Variants in ZNF454 observed in about 807,000 individuals in gnomAD.
ZNF454 encodes the protein zinc finger protein 454.
In ZNF454, 30 loss-of-function variants were observed where a neutral mutation model predicts 48.2. That is an observed-to-expected ratio of 0.62 (90% CI 0.47 to 0.84). ZNF454 has a LOEUF of 0.84. Among genes scored for constraint, ZNF454 ranks in the 40% least tolerant of loss-of-function variants. The probability of loss-of-function intolerance (pLI) is 0.00; values close to 1 mark genes in which losing one functional copy is unlikely to be tolerated. For missense variants in ZNF454, 510 were observed against 623.1 expected, an observed-to-expected ratio of 0.82 and a Z score of 1.93; for synonymous variants, 204 against 211.4, an observed-to-expected ratio of 0.97 and a Z score of 0.30.
At chr5:178,947,637 C>G (rs544292273) in intron 4 of ZNF454, among the ~76,000 whole-genome samples, 56 of 152,220 alleles carry the variant, frequency 3.7e-4, no homozygotes, top group Non-Finnish European at 7.1e-4. Context: ...GTGATGGTTA[C>G]TTGTCTTGAG....
At chr5:178,956,150 G>T (rs1484500404) in intron 4 of ZNF454, among the ~76,000 whole-genome samples, 2 of 152,044 alleles carry the variant, frequency 1.3e-5, no homozygotes, top group Non-Finnish European at 2.9e-5. Flanking sequence ...AATCATTTTT[G>T]ATTTCCAAGA....
At chr5:178,982,716 G>C in the ZNF454 span, 7 of 517,362 alleles carry the variant, frequency 1.4e-5, no homozygotes, top group Non-Finnish European at 2.0e-5. Flanking sequence ...AAAAAAAGAA[G>C]AGTGGAAGTT....
chr5:178,971,090 C>T (rs139157080), downstream of ZNF454, among the ~76,000 whole-genome samples: 23 of 152,310 alleles, frequency 1.5e-4, no homozygotes, highest in East Asian at 3.9e-3. Context: ...TGCATGAAAC[C>T]GTTACGTCCA....
chr5:178,981,783 G>A, the ZNF454 span: 19 of 1,612,448 alleles, frequency 1.2e-5, no homozygotes, highest in East Asian at 4.5e-5. This position sits in a 1 kb window ranked among gnomAD's most constrained non-coding sequence, Gnocchi z 5.1. Context: ...TTTTGGGTAC[G>A]TAGAGCATGC....
At chr5:178,989,138 G>A in the ZNF454 span, 2 of 1,613,450 alleles carry the variant, frequency 1.2e-6, no homozygotes, top group Non-Finnish European at 1.7e-6. Flanking sequence ...TTCCTCGCCT[G>A]TCCTAGGGAT....
chr5:178,986,130 C>A, the ZNF454 span: 15 of 1,613,090 alleles, frequency 9.3e-6, no homozygotes, highest in East Asian at 3.1e-4. Flanking sequence ...ACGGACCCAC[C>A]TGCAGGGAGG....
In ZNF454 at chr5:178,965,325, A is replaced by T. The variant is rs751473164; in HGVS notation, c.921A>T (p.Lys307Asn). 1 of 1,614,232 alleles carries T rather than the reference A, an allele frequency of 6.2e-7. No homozygotes were observed. Among genetic ancestry groups the T allele is most frequent in the South Asian group, 1.1e-5 (1 of 91,092 alleles). ...EKPFKCNICE[K>N]AFVCRAHLTK... ...CTTTTAAATGTAACATTTGTGAAAAAGCCTTTGTGTGCAGGGCACACCTTA... is the reference window on the plus strand; with the variant it reads ...CTTTTAAATGTAACATTTGTGAAAATGCCTTTGTGTGCAGGGCACACCTTA... The change falls in exon 5 of 5, where the codon AAA becomes AAT. Residue 307 changes from lysine (K) to asparagine (N), a missense_variant. Lys to Asn is a moderately conservative substitution (Grantham distance 94, BLOSUM62 0). This residue lies in a region of ZNF454 where 354 missense variants were observed against 408.9 expected (regional missense o/e 0.87). Transcript: ENST00000519564. This position sits in a 1 kb window ranked among gnomAD's most constrained non-coding sequence, Gnocchi z 5.2.
chr5:178,986,310 C>T, the ZNF454 span: 122 of 1,613,936 alleles, frequency 7.6e-5, 1 homozygote, highest in Admixed American at 1.4e-3. Context: ...CGGCACAGAC[C>T]GCGGCCCCAG....
the ZNF454 span, among the ~76,000 whole-genome samples, chr5:178,988,650 G>A: frequency 1.3e-5 from 2 of 152,226 alleles, no homozygotes; most frequent in South Asian, 4.1e-4. The surrounding 1 kb of genome is among the most constrained non-coding windows in gnomAD (Gnocchi z 6.0). Flanking sequence ...GTGGAGGGGA[G>A]TGTGGTGTGA....
the ZNF454 span, chr5:178,986,437 G>A: frequency 6.2e-7 from 1 of 1,613,384 alleles, no homozygotes; most frequent in Non-Finnish European, 8.5e-7. Context: ...CCGCACGAAG[G>A]TGGCCACCAC....
chr5:178,952,098 C>T (rs1461638378), intron 4 of ZNF454, among the ~76,000 whole-genome samples: 1 of 147,260 alleles, frequency 6.8e-6, no homozygotes, highest in Non-Finnish European at 1.5e-5. Context: ...AGTGCTGTGG[C>T]GCGATCTCGG....
chr5:178,956,705 T>C (rs1759771729), intron 4 of ZNF454, among the ~76,000 whole-genome samples: 1 of 148,742 alleles, frequency 6.7e-6, no homozygotes, highest in Non-Finnish European at 1.5e-5. Context: ...ATTTATTTAT[T>C]TATTTATTTA....
At chr5:178,987,048 C>A in the ZNF454 span, 2 of 1,529,570 alleles carry the variant, frequency 1.3e-6, no homozygotes, top group African/African-American at 1.4e-5. Context: ...CCTGGGGAGG[C>A]CCCAGGGACC....
chr5:178,976,879 T>A, the ZNF454 span, among the ~76,000 whole-genome samples: 27 of 152,312 alleles, frequency 1.8e-4, no homozygotes, highest in African/African-American at 6.3e-4. Flanking sequence ...ACTACAGGTA[T>A]ATTCAGTATT....
chr5:178,956,656 CTTTAT>C, intron 4 of ZNF454, among the ~76,000 whole-genome samples: 1 of 94,540 alleles, frequency 1.1e-5, no homozygotes, highest in African/African-American at 3.5e-5. Flanking sequence ...TTAAACCAGT[CTTTAT>C]TTTATTTTAT....
chr5:178,984,747 G>T, the ZNF454 span, among the ~76,000 whole-genome samples: 1 of 152,108 alleles, frequency 6.6e-6, no homozygotes, highest in Non-Finnish European at 1.5e-5. Context: ...TCCTAGTCAC[G>T]GAGAACTGCA....
chr5:178,961,656 AAC>A lies in ZNF454; in HGVS notation c.251-2995_251-2994del, dbSNP rs748213000. On this transcript the variant is annotated intron_variant, in intron 4 of 4. Coordinates refer to ENST00000519564, the MANE Select transcript of ZNF454 (RefSeq NM_001178089.3). ...CACGGTGAAACCCTGTCTCTAGTAAAACACAAAAAAAAAATTAGCTGGGCATG... is the reference window on the plus strand; with the variant it reads ...CACGGTGAAACCCTGTCTCTAGTAAAACAAAAAAAAAATTAGCTGGGCATG... Among the ~76,000 whole-genome samples, 448 of 151,398 alleles carry A rather than the reference AAC, an allele frequency of 3.0e-3. 4 individuals are homozygous for A. The highest frequency in any genetic ancestry group is 3.8e-3 in the Non-Finnish European group (255 of 67,968).
At position 178,944,558 on chromosome 5, in the gene ZNF454, C is replaced by T. The variant is rs1216296492; in HGVS notation, c.33+1734C>T. Reference sequence around the variant, plus strand: ...ATCCAAGTGTTTCTTGACTGCCTGTCATGGGCCAAGTCTCTGGGTGCAGGT... The same window carrying T: ...ATCCAAGTGTTTCTTGACTGCCTGTTATGGGCCAAGTCTCTGGGTGCAGGT... On this transcript the variant is annotated intron_variant, in intron 2 of 4. Coordinates refer to ENST00000519564, the MANE Select transcript of ZNF454 (RefSeq NM_001178089.3). The surrounding 1 kb of genome is among the most constrained non-coding windows in gnomAD (Gnocchi z 4.1). 6.6e-6 allele frequency among the ~76,000 whole-genome samples: 1 copy of T among 152,212 alleles called. No homozygotes were observed. The highest frequency in any genetic ancestry group is 1.5e-5 in the Non-Finnish European group (1 of 68,034).
At chr5:178,978,104 G>A in the ZNF454 span, among the ~76,000 whole-genome samples, 1 of 152,160 alleles carries the variant, frequency 6.6e-6, no homozygotes, top group Non-Finnish European at 1.5e-5. Flanking sequence ...CCATACTACA[G>A]CAGTTTTTCC....
Sources: gnomAD v4.1 joint callset for allele counts (sites outside exome capture counted in the v4.1 genomes callset) on GRCh38, gnomAD v4.1.1 for gene constraint, gnomAD v4.1.1 regional missense constraint, Gnocchi (gnomAD v3.1) non-coding constraint, MANE v1.5 for transcripts, NCBI Gene and HGNC (gene_info 2026-07-23, HGNC 2026-07-21) for gene names.